Variants in PI4KA observed in about 807,000 individuals in gnomAD.
The protein encoded by PI4KA is PI4-kinase alpha.
PI4KA carries 122 observed loss-of-function variants against 271.4 expected under a neutral mutation model. That is an observed-to-expected ratio of 0.45 (90% CI 0.39 to 0.52). The LOEUF is 0.52. Ranked by LOEUF, PI4KA falls within the 20% of genes least tolerant of loss-of-function variation. The probability of loss-of-function intolerance (pLI) is 0.00; values close to 1 mark genes in which losing one functional copy is unlikely to be tolerated. For missense variants in PI4KA, 1,969 were observed against 2,769.1 expected (o/e 0.71, Z 6.48); for synonymous variants, 1,041 against 1,078.8 (o/e 0.96, Z 0.69).
intron 17 of PI4KA, 163 bp downstream of exon 17, chr22:20,798,421 G>T: frequency 1.6e-6 from 1 of 610,482 alleles, no homozygotes; most frequent in South Asian, 1.9e-5. Flanking sequence ...CTCCAGGTGG[G>T]GGCCACATTG....
At position 20,832,712 on chromosome 22, in the gene PI4KA, CCCAA is replaced by C. The variant is rs549161186; in HGVS notation, c.367+1846_367+1849del. Among the ~76,000 whole-genome samples the C allele has an allele frequency of 1.4e-4, 21 of 152,334 alleles. No homozygotes were observed. In the East Asian group the frequency reaches 3.7e-3, roughly 27 times the overall value. On this transcript the variant is annotated intron_variant, in intron 3 of 54. Coordinates refer to ENST00000255882, the MANE Select transcript of PI4KA (RefSeq NM_058004.4). ...TCAAGTGATCTACCCACCTTGGCCT[CCCAA>C]AGTGCAGAGATTACAGGTGTGAGCC...
At chr22:20,716,334 G>T (rs1289923002) in intron 45 of PI4KA, among the ~76,000 whole-genome samples, 1 of 152,248 alleles carries the variant, frequency 6.6e-6, no homozygotes, top group Admixed American at 6.5e-5. Context: ...TTACAGGCAT[G>T]AGCCACCGCA....
At chr22:20,727,931 G>T (rs931282414) in intron 39 of PI4KA, 67 bp from the exon 40 acceptor site, 2 of 1,161,282 alleles carry the variant, frequency 1.7e-6, no homozygotes, top group African/African-American at 3.0e-5. Flanking sequence ...CACCACACTG[G>T]AGTGAGGGGA....
At chr22:20,772,342 GC>G (rs569499289) in intron 19 of PI4KA, among the ~76,000 whole-genome samples, 1 of 152,326 alleles carries the variant, frequency 6.6e-6, no homozygotes, top group African/African-American at 2.4e-5. Flanking sequence ...CCAGGGCTGT[GC>G]TGGGGCCGGG....
intron 9 of PI4KA, among the ~76,000 whole-genome samples, chr22:20,807,767 A>C (rs888356757): frequency 2.5e-4 from 38 of 152,168 alleles, no homozygotes; most frequent in Non-Finnish European, 3.4e-4. Context: ...CCAGACAGGG[A>C]CATGGGAAGT....
intron 1 of PI4KA, among the ~76,000 whole-genome samples, chr22:20,858,202 G>A (rs1340808286): frequency 6.6e-6 from 1 of 152,166 alleles, no homozygotes; most frequent in Non-Finnish European, 1.5e-5. Flanking sequence ...AGAACCCCAG[G>A]TCTTGACCCC....
chr22:20,797,364 T>C (rs958756649), intron 17 of PI4KA, among the ~76,000 whole-genome samples: 63 of 151,204 alleles, frequency 4.2e-4, no homozygotes, highest in African/African-American at 1.5e-3. Context: ...CTAGGAGGGG[T>C]GGAAGCAAAG....
At chr22:20,745,880 ATCACTCC>A (rs148013792) in intron 29 of PI4KA, among the ~76,000 whole-genome samples, 2,623 of 151,824 alleles carry the variant, frequency 0.017, 67 homozygotes, top group African/African-American at 0.059. Flanking sequence ...CCCTTCCACC[ATCACTCC>A]TCACTGCCCA....
At chr22:20,780,636 C>A (rs929631218) in intron 19 of PI4KA, among the ~76,000 whole-genome samples, 2 of 151,918 alleles carry the variant, frequency 1.3e-5, no homozygotes, top group African/African-American at 4.8e-5. Flanking sequence ...ATTAGCTGGG[C>A]CTGGCGGTGG....
chr22:20,802,207 A>T, intron 13 of PI4KA, 102 bp from the exon 14 acceptor site: 1 of 1,002,924 alleles, frequency 1.0e-6, no homozygotes, highest in Non-Finnish European at 1.5e-6. Context: ...CATTTATAAA[A>T]GCAAAATGAT....
At chr22:20,738,181 G>C (rs1601372469) in intron 32 of PI4KA, among the ~76,000 whole-genome samples, 1 of 152,138 alleles carries the variant, frequency 6.6e-6, no homozygotes. Context: ...CCACACAGGA[G>C]TGAGCGTGGC....
chr22:20,749,876 G>A (rs1255573854), intron 28 of PI4KA, 29 bp downstream of exon 28: 1 of 1,404,528 alleles, frequency 7.1e-7, no homozygotes, highest in Non-Finnish European at 1.0e-6. Context: ...AGGAGCTTAT[G>A]GCAATTGCCT....
Position 20,839,251 on chromosome 22 carries a change from A to T in PI4KA, c.157-520T>A, listed in dbSNP as rs1404554277. Among the ~76,000 whole-genome samples, 4 of 152,044 alleles carry T rather than the reference A, an allele frequency of 2.6e-5. No homozygotes were observed. The South Asian group carries it at 6.3e-4, about 24-fold the overall frequency. ...CAAACAAACAAAACCACTACCATAAACCCCAAAGAGTCCATGTAACCAATA... is the reference window on the plus strand; with the variant it reads ...CAAACAAACAAAACCACTACCATAATCCCCAAAGAGTCCATGTAACCAATA... On this transcript the variant is annotated intron_variant, in intron 1 of 54. Transcript: ENST00000255882.
intron 27 of PI4KA, among the ~76,000 whole-genome samples, chr22:20,750,555 A>G (rs1269332974): frequency 6.6e-6 from 1 of 152,258 alleles, no homozygotes; most frequent in Non-Finnish European, 1.5e-5. Context: ...TAATTCCTGC[A>G]CAAGGTTTGT....
intron 1 of PI4KA, among the ~76,000 whole-genome samples, chr22:20,857,104 T>C (rs1238658089): frequency 6.6e-6 from 1 of 152,218 alleles, no homozygotes; most frequent in African/African-American, 2.4e-5. Flanking sequence ...ATACATTAGG[T>C]ACCCACGTGC....
At chr22:20,717,367 C>T (rs1163338020) in intron 45 of PI4KA, among the ~76,000 whole-genome samples, 2 of 152,252 alleles carry the variant, frequency 1.3e-5, no homozygotes, top group South Asian at 2.1e-4. Flanking sequence ...ACACTGGGCC[C>T]GCCATCCCCT....
intron 3 of PI4KA, 50 bp downstream of exon 3, chr22:20,834,512 G>T: frequency 9.2e-7 from 1 of 1,083,452 alleles, no homozygotes; most frequent in South Asian, 1.3e-5. Context: ...TACAGACACT[G>T]AACATGTGTA....
chr22:20,810,352 A>C (rs1347025549), intron 9 of PI4KA, among the ~76,000 whole-genome samples: 5 of 152,166 alleles, frequency 3.3e-5, no homozygotes, highest in Middle Eastern at 3.4e-3. Flanking sequence ...TAAAAAATAC[A>C]AAAAAAGTTA....
At chr22:20,790,865 C>T (rs1476449996) in intron 19 of PI4KA, among the ~76,000 whole-genome samples, 1 of 152,038 alleles carries the variant, frequency 6.6e-6, no homozygotes, top group Non-Finnish European at 1.5e-5. Context: ...ATATTTGTTT[C>T]CTCCTCCATA....
Sources: allele counts gnomAD v4.1 joint callset (sites outside exome capture counted in the v4.1 genomes callset), GRCh38; gene constraint gnomAD v4.1.1; transcripts MANE v1.5; gene names NCBI Gene and HGNC (gene_info 2026-07-23, HGNC 2026-07-21).